LRRTM4: variants seen among roughly 807,000 people sequenced by gnomAD.
LRRTM4 encodes the protein leucine-rich repeat transmembrane neuronal protein 4.
In LRRTM4, 25 loss-of-function variants were observed where a neutral mutation model predicts 47.6. That is an observed-to-expected ratio of 0.53 (90% CI 0.38 to 0.73). LRRTM4 has a LOEUF of 0.73. Among genes scored for constraint, LRRTM4 ranks in the 30% least tolerant of loss-of-function variants. LRRTM4 has a pLI of 0.00. For missense variants in LRRTM4, 638 were observed against 713.4 expected, an observed-to-expected ratio of 0.89 and a Z score of 1.20; for synonymous variants, 311 against 269.5, an observed-to-expected ratio of 1.15 and a Z score of -1.51.
intron 3 of LRRTM4, among the ~76,000 whole-genome samples, chr2:76,807,892 C>A (rs1670584175): frequency 1.3e-5 from 2 of 149,146 alleles, no homozygotes; most frequent in South Asian, 4.3e-4. Context: ...ATTTTCTTTT[C>A]TTCTTTACTT....
intron 3 of LRRTM4, among the ~76,000 whole-genome samples, chr2:77,260,717 T>C (rs995257275): frequency 5.3e-5 from 8 of 152,124 alleles, no homozygotes; most frequent in Admixed American, 3.9e-4. Flanking sequence ...TCATAGGTGA[T>C]TGGGCATTTA....
At chr2:77,448,342 T>C (rs1198992439) in intron 3 of LRRTM4, among the ~76,000 whole-genome samples, 1 of 152,164 alleles carries the variant, frequency 6.6e-6, no homozygotes, top group African/African-American at 2.4e-5. Context: ...GCCTTTTACA[T>C]AAGAGACGAA....
chr2:76,802,520 A>G (rs2103778902), intron 3 of LRRTM4, among the ~76,000 whole-genome samples: 1 of 152,224 alleles, frequency 6.6e-6, no homozygotes, highest in East Asian at 1.9e-4. Flanking sequence ...GAAGAATGGA[A>G]ACCGGAAAAA....
chr2:77,055,105 A>T (rs1164260290), intron 3 of LRRTM4, among the ~76,000 whole-genome samples: 1 of 152,144 alleles, frequency 6.6e-6, no homozygotes, highest in Non-Finnish European at 1.5e-5. Flanking sequence ...TGACTCCGCT[A>T]CTTAGAGTTA....
At chr2:77,181,820 A>G (rs983997125) in intron 3 of LRRTM4, among the ~76,000 whole-genome samples, 1 of 152,162 alleles carries the variant, frequency 6.6e-6, no homozygotes, top group Admixed American at 6.6e-5. Context: ...GAATGAAAAA[A>G]AGCTCAACCT....
Position 77,049,868 on chromosome 2 carries a change from G to A in LRRTM4, c.1552-300952C>T, listed in dbSNP as rs372293586. On this transcript the variant is annotated intron_variant, in intron 3 of 3. Coordinates refer to ENST00000409884, the MANE Select transcript of LRRTM4 (RefSeq NM_001134745.3). The stretch of plus-strand genomic sequence containing the variant: ...ATCTTGTTCATGAAATCTTTGCCCA[G>A]ACCAATGTTCTTTAGTGTTTCCTCT... 7.2e-5 allele frequency among the ~76,000 whole-genome samples: 11 copies of A among 151,952 alleles called. No homozygotes were observed. The East Asian group carries it at 1.8e-3, about 24-fold the overall frequency.
chr2:77,354,513 A>G (rs932236414), intron 3 of LRRTM4, among the ~76,000 whole-genome samples: 1 of 152,108 alleles, frequency 6.6e-6, no homozygotes, highest in African/African-American at 2.4e-5. Context: ...GTGACTCGGT[A>G]AGTTTCCCAG....
intron 3 of LRRTM4, among the ~76,000 whole-genome samples, chr2:76,855,638 A>G (rs1450361006): frequency 6.6e-6 from 1 of 152,186 alleles, no homozygotes; most frequent in Non-Finnish European, 1.5e-5. Flanking sequence ...AGAATAAATA[A>G]CAACATGCTA....
At chr2:77,294,168 T>C (rs907416841) in intron 3 of LRRTM4, among the ~76,000 whole-genome samples, 1 of 152,104 alleles carries the variant, frequency 6.6e-6, no homozygotes, top group African/African-American at 2.4e-5. Context: ...TTTTTTGGAT[T>C]TTTATTAAAG....
At chr2:77,517,943 T>C (rs923292341) in intron 3 of LRRTM4, 1 of 1,004,932 alleles carries the variant, frequency 1.0e-6, no homozygotes, top group African/African-American at 1.7e-5. Flanking sequence ...GCTGGCCCTC[T>C]TCTTTACTCC....
chr2:77,056,858 A>C (rs1679625213), intron 3 of LRRTM4, among the ~76,000 whole-genome samples: 1 of 152,188 alleles, frequency 6.6e-6, no homozygotes, highest in South Asian at 2.1e-4. Context: ...GGCAAGGTAA[A>C]ACTTCTGCAA....
At chr2:77,468,197 C>T (rs150947508) in intron 3 of LRRTM4, among the ~76,000 whole-genome samples, 31 of 152,132 alleles carry the variant, frequency 2.0e-4, no homozygotes, top group Admixed American at 5.2e-4. Flanking sequence ...CAGAGAATGA[C>T]GTCTTCATCA....
At position 77,454,569 on chromosome 2, in the gene LRRTM4, C is replaced by T. The variant is rs1442590509; in HGVS notation, c.1551+63749G>A. ...CAGACTCAGGTTTAGCGTAAATCCC[C>T]ACTGGCTGCCGTGTATATTCTTGGT... On this transcript the variant is annotated intron_variant, in intron 3 of 3. Coordinates refer to ENST00000409884, the MANE Select transcript of LRRTM4 (RefSeq NM_001134745.3). Among the ~76,000 whole-genome samples, 4 of 152,092 alleles carry T rather than the reference C, an allele frequency of 2.6e-5. No individual in the cohort carries two copies. In the East Asian group the frequency reaches 5.8e-4, roughly 22 times the overall value.
At chr2:76,844,173 C>T (rs1671771594) in intron 3 of LRRTM4, among the ~76,000 whole-genome samples, 4 of 149,414 alleles carry the variant, frequency 2.7e-5, no homozygotes, top group South Asian at 2.2e-4. Context: ...CTCACGCTGT[C>T]GTCCAGGCTG....
chr2:77,418,208 T>C (rs1674724444), intron 3 of LRRTM4, among the ~76,000 whole-genome samples: 1 of 152,110 alleles, frequency 6.6e-6, no homozygotes, highest in Non-Finnish European at 1.5e-5. Context: ...TGAGGACTTG[T>C]GGAGTTCTCC....
At chr2:77,304,072 C>T (rs1677208144) in intron 3 of LRRTM4, among the ~76,000 whole-genome samples, 1 of 152,078 alleles carries the variant, frequency 6.6e-6, no homozygotes, top group South Asian at 2.1e-4. Context: ...ACATTCCCAC[C>T]AACAGTGTGC....
chr2:77,150,214 A>C (rs145278366), intron 3 of LRRTM4, among the ~76,000 whole-genome samples: 6 of 152,310 alleles, frequency 3.9e-5, no homozygotes, highest in Admixed American at 3.9e-4. Context: ...ATTATAATTA[A>C]AGGACTATTA....
chr2:77,432,801 G>C (rs1675436534), intron 3 of LRRTM4, among the ~76,000 whole-genome samples: 1 of 152,200 alleles, frequency 6.6e-6, no homozygotes, highest in Admixed American at 6.5e-5. Context: ...AGAAGAGTCA[G>C]AGTCCTGTTT....
At chr2:77,413,735 A>C (rs1674529563) in intron 3 of LRRTM4, among the ~76,000 whole-genome samples, 1 of 152,158 alleles carries the variant, frequency 6.6e-6, no homozygotes, top group South Asian at 2.1e-4. Context: ...CCCAACCAGA[A>C]AAAAATGCAC....
Sources: gnomAD v4.1 joint callset for allele counts (sites outside exome capture counted in the v4.1 genomes callset) on GRCh38, gnomAD v4.1.1 for gene constraint, MANE v1.5 for transcripts, NCBI Gene and HGNC (gene_info 2026-07-23, HGNC 2026-07-21) for gene names.